Variants in RALGPS2 observed in about 807,000 individuals in gnomAD.
The protein encoded by RALGPS2 is ras-specific guanine nucleotide-releasing factor RalGPS2.
Under a neutral mutation model 86.8 loss-of-function variants are expected in RALGPS2, and 43 were observed. That is an observed-to-expected ratio of 0.50 (90% CI 0.39 to 0.64). RALGPS2 has a LOEUF of 0.64. Among genes scored for constraint, RALGPS2 ranks in the 30% least tolerant of loss-of-function variants. The pLI is 0.00. For missense variants in RALGPS2, 536 were observed against 694.6 expected (o/e 0.77, Z 2.57); for synonymous variants, 243 against 231.3 (o/e 1.05, Z -0.46).
At chr1:178,844,780 A>G (rs1022785730) in intron 8 of RALGPS2, among the ~76,000 whole-genome samples, 7 of 152,190 alleles carry the variant, frequency 4.6e-5, no homozygotes, top group Admixed American at 1.3e-4. Flanking sequence ...GAATATTGTG[A>G]AAAAAATAAT....
At chr1:178,811,799 T>C (rs1204423554) in intron 6 of RALGPS2, among the ~76,000 whole-genome samples, 1 of 152,188 alleles carries the variant, frequency 6.6e-6, no homozygotes, top group Non-Finnish European at 1.5e-5. Flanking sequence ...GAATAAGACT[T>C]TATTTTTAAG....
At chr1:178,822,841 A>T (rs1655568358) in intron 7 of RALGPS2, among the ~76,000 whole-genome samples, 3 of 152,108 alleles carry the variant, frequency 2.0e-5, no homozygotes, top group Admixed American at 1.3e-4. Flanking sequence ...GTGAAAAAAA[A>T]ATTCTATTTT....
intron 1 of RALGPS2, among the ~76,000 whole-genome samples, chr1:178,773,287 G>T (rs1265777268): frequency 6.6e-6 from 1 of 152,152 alleles, no homozygotes; most frequent in African/African-American, 2.4e-5. Context: ...GGAGGCTGCA[G>T]TGAGCTAAGA....
In RALGPS2 at chr1:178,919,715, T is replaced by C. The variant is rs1339347823; in HGVS notation, c.*3356T>C. ...TGAAAATCAATAGTAATGGGTTCCA[T>C]CCATTAGCTTTTTAAATGAATAGAT... On this transcript the variant is annotated 3_prime_UTR_variant, in exon 20 of 20. Transcript: ENST00000367635. 6.6e-6 allele frequency: 1 copy of C among 152,024 alleles called. No individual in the cohort carries two copies. Among genetic ancestry groups the C allele is most frequent in the East Asian group, 1.9e-4 (1 of 5,202 alleles). The allele number at this position is 152,024 out of a possible 1,614,324, so 9.4% of individuals were successfully genotyped here.
intron 18 of RALGPS2, among the ~76,000 whole-genome samples, chr1:178,906,374 C>CAAA (rs553692347): frequency 0.011 from 1,440 of 136,364 alleles, 22 homozygotes; most frequent in African/African-American, 0.037. Flanking sequence ...GACTCCATCT[C>CAAA]AAAAAAAAAA....
At chr1:178,822,229 ATTAC>A (rs1249228031) in intron 7 of RALGPS2, among the ~76,000 whole-genome samples, 1 of 152,144 alleles carries the variant, frequency 6.6e-6, no homozygotes, top group Non-Finnish European at 1.5e-5. Flanking sequence ...ATTTGGTTCT[ATTAC>A]TTATATGAGA....
chr1:178,899,146 T>C (rs1660061461), intron 17 of RALGPS2, among the ~76,000 whole-genome samples: 1 of 151,972 alleles, frequency 6.6e-6, no homozygotes, highest in Non-Finnish European at 1.5e-5. Context: ...AGAGAAGTTA[T>C]AACTGAATTT....
intron 1 of RALGPS2, among the ~76,000 whole-genome samples, chr1:178,729,150 C>A (rs1244563410): frequency 1.3e-5 from 2 of 151,970 alleles, no homozygotes; most frequent in Non-Finnish European, 2.9e-5. Context: ...ACTTACATGA[C>A]CTTTTTTTTC....
At chr1:178,903,379 G>A (rs1414942323) in intron 18 of RALGPS2, among the ~76,000 whole-genome samples, 2 of 151,948 alleles carry the variant, frequency 1.3e-5, no homozygotes, top group Non-Finnish European at 2.9e-5. Context: ...AAGTTATTGG[G>A]GTACAGGTGG....
At chr1:178,913,898 C>G (rs1476595606) in intron 19 of RALGPS2, among the ~76,000 whole-genome samples, 1 of 152,200 alleles carries the variant, frequency 6.6e-6, no homozygotes, top group Non-Finnish European at 1.5e-5. Context: ...ACCTCTCCAT[C>G]AGGCTACTGG....
chr1:178,902,104 A>G lies in RALGPS2; in HGVS notation c.1525-2A>G. ...TCCGCTAATTATCTTTTTTTCTCTC[A>G]GTTCAAATCAACATCCAATAAGAAC... is the stretch of plus-strand genomic sequence containing the variant. On this transcript the variant is annotated splice_acceptor_variant, in intron 17 of 19. Coordinates refer to ENST00000367635, the MANE Select transcript of RALGPS2 (RefSeq NM_152663.5). LOFTEE classifies it high-confidence loss of function. 1.2e-6 allele frequency: 2 copies of G among 1,606,976 alleles called. No individual in the cohort carries two copies. Among genetic ancestry groups the G allele is most frequent in the Non-Finnish European group, 1.7e-6 (2 of 1,174,468 alleles).
chr1:178,885,686 C>T (rs1310988112), intron 12 of RALGPS2: 10 of 242,908 alleles, frequency 4.1e-5, no homozygotes, highest in Non-Finnish European at 6.2e-5. Flanking sequence ...GCCATGATTT[C>T]TCTGGAAATG....
intron 2 of RALGPS2, among the ~76,000 whole-genome samples, chr1:178,779,563 T>C (rs890130933): frequency 6.6e-6 from 1 of 152,194 alleles, no homozygotes; most frequent in Non-Finnish European, 1.5e-5. Context: ...CCTCATGAAT[T>C]TTATTAAGCA....
intron 7 of RALGPS2, among the ~76,000 whole-genome samples, chr1:178,824,770 C>T (rs1655672632): frequency 1.3e-5 from 2 of 151,832 alleles, no homozygotes; most frequent in Admixed American, 6.6e-5. Context: ...GATCGCGCTA[C>T]TGCACTCCAG....
chr1:178,748,923 T>G (rs1398187851), intron 1 of RALGPS2, among the ~76,000 whole-genome samples: 2 of 151,856 alleles, frequency 1.3e-5, no homozygotes, highest in Non-Finnish European at 2.9e-5. Flanking sequence ...TTTTCATAGG[T>G]GTATACTATA....
intron 1 of RALGPS2, among the ~76,000 whole-genome samples, chr1:178,734,484 G>T (rs1008647227): frequency 1.3e-5 from 2 of 152,206 alleles, no homozygotes; most frequent in East Asian, 3.8e-4. Flanking sequence ...GTTGATGGTT[G>T]TACCTCTGTG....
At chr1:178,876,659 A>C (rs1174916310) in intron 8 of RALGPS2, among the ~76,000 whole-genome samples, 1 of 152,214 alleles carries the variant, frequency 6.6e-6, no homozygotes, top group African/African-American at 2.4e-5. Context: ...ATGAACATGA[A>C]GTAATGGGGT....
rs1311844402 is a variant in RALGPS2 at position 178,919,611 on chromosome 1, C to A, written c.*3252C>A. 6.6e-6 allele frequency: 1 copy of A among 151,980 alleles called. No homozygotes were observed. The highest frequency in any genetic ancestry group is 1.5e-5 in the Non-Finnish European group (1 of 67,912). 9.4% of individuals were successfully genotyped at this position (151,980 alleles called of 1,614,324 possible). A position where few individuals can be genotyped will look rare whatever the true frequency, so the allele number is the denominator to read the frequency against. On this transcript the variant is annotated 3_prime_UTR_variant, in exon 20 of 20. Transcript: ENST00000367635. ...TTGGCCAAATGACTTGAGCATAAGTCTTTTATTTCTTTTTAAGGTTAAATC... is the reference window on the plus strand; with the variant it reads ...TTGGCCAAATGACTTGAGCATAAGTATTTTATTTCTTTTTAAGGTTAAATC...
rs1572320308 is a variant in RALGPS2 at position 178,776,769 on chromosome 1, A to C, written c.5A>C (p.Asp2Ala). The change falls in exon 2 of 20, where the codon GAC becomes GCC. Residue 2 changes from aspartate to alanine, a missense_variant. Physicochemically the swap from Asp to Ala is moderately radical, Grantham distance 126 (BLOSUM62 -2). This residue lies in a region of RALGPS2 where 43 missense variants were observed against 34.9 expected (regional missense o/e 1.23). Coordinates refer to ENST00000367635, the MANE Select transcript of RALGPS2 (RefSeq NM_152663.5). M[D>A]LMNGQASSVN... ...TCAGGGACTGATGAGGAAAGCATGG[A>C]CCTAATGAACGGGCAGGCAAGCAGT... The C allele has an allele frequency of 6.2e-7, 1 of 1,612,430 alleles. No homozygotes were observed. Among genetic ancestry groups the C allele is most frequent in the African/African-American group, 1.3e-5 (1 of 74,818 alleles).
Sources: allele counts gnomAD v4.1 joint callset (sites outside exome capture counted in the v4.1 genomes callset), GRCh38; gene constraint gnomAD v4.1.1; regional missense constraint gnomAD v4.1.1; transcripts MANE v1.5; gene names NCBI Gene and HGNC (gene_info 2026-07-23, HGNC 2026-07-21).